BRAP: variants seen among roughly 807,000 people sequenced by gnomAD.
The protein encoded by BRAP is BRCA1-associated protein.
BRAP carries 42 observed loss-of-function variants against 73.4 expected under a neutral mutation model. That is an observed-to-expected ratio of 0.57 (90% CI 0.45 to 0.74). BRAP has a LOEUF of 0.74. Among genes scored for constraint, BRAP ranks in the 30% least tolerant of loss-of-function variants. BRAP has a pLI of 0.00. For synonymous variants in BRAP, 255 were observed against 267.4 expected, an observed-to-expected ratio of 0.95 and a Z score of 0.45; for missense variants, 593 against 751.4, an observed-to-expected ratio of 0.79 and a Z score of 2.46.
At chr12:111,677,691 G>A (rs773039985) in intron 4 of BRAP, among the ~76,000 whole-genome samples, 4 of 152,128 alleles carry the variant, frequency 2.6e-5, no homozygotes, top group East Asian at 1.9e-4. Flanking sequence ...CTTAAGGCAC[G>A]ATTTTCCCAT....
intron 5 of BRAP, among the ~76,000 whole-genome samples, chr12:111,672,406 T>C (rs534593226): frequency 6.6e-6 from 1 of 152,286 alleles, no homozygotes; most frequent in Non-Finnish European, 1.5e-5. Context: ...ATACAGTTCA[T>C]TGGCTTGTAG....
chr12:111,671,684 T>TC lies in BRAP; in HGVS notation c.747+976_747+977insG, dbSNP rs1230088641. On this transcript the variant is annotated intron_variant, in intron 5 of 11. Coordinates refer to ENST00000419234, the MANE Select transcript of BRAP (RefSeq NM_006768.5). ...AACAGTCTGGGTAACAGAGAGACTT[T>TC]TTTTTTTTTTTTTTTTTTTTGAGAC... is the stretch of plus-strand genomic sequence containing the variant. 9.2e-3 allele frequency among the ~76,000 whole-genome samples: 1,330 copies of TC among 144,706 alleles called. 31 individuals carry two copies. Among genetic ancestry groups the TC allele is most frequent in the African/African-American group, 0.033 (1,254 of 38,214 alleles). 94.9% of individuals were successfully genotyped at this position (144,706 alleles called of 152,430 possible).
chr12:111,683,092 T>C lies in BRAP; in HGVS notation c.244+54A>G, dbSNP rs16941620. 9,826 of 1,558,956 alleles carry C rather than the reference T, an allele frequency of 6.3e-3. 479 individuals carry two copies. In the African/African-American group the frequency reaches 0.11, roughly 17 times the overall value. ...GGCTCATCAAACACCGTGTATAAAA[T>C]AGGCAACCAGTGTTCACATTACAAA... On this transcript the variant is annotated intron_variant, in intron 2 of 11. Transcript: ENST00000419234.
At chr12:111,675,047 G>A (rs893132766) in intron 4 of BRAP, among the ~76,000 whole-genome samples, 4 of 152,100 alleles carry the variant, frequency 2.6e-5, no homozygotes, top group African/African-American at 7.2e-5. Context: ...TGCTACCTGA[G>A]CCCAGGAGTT....
chr12:111,647,542 T>C (rs1785358894), intron 11 of BRAP, among the ~76,000 whole-genome samples: 1 of 151,918 alleles, frequency 6.6e-6, no homozygotes, highest in African/African-American at 2.4e-5. Flanking sequence ...ATCTAGAGGG[T>C]GAAAAAGAAC....
chr12:111,681,370 C>CA (rs80154506), intron 3 of BRAP, among the ~76,000 whole-genome samples: 128 of 125,242 alleles, frequency 1.0e-3, no homozygotes, highest in Admixed American at 1.9e-3. Context: ...AACTCCATTT[C>CA]AAAAAAAAAA....
At chr12:111,678,446 C>G (rs1887468948) in intron 4 of BRAP, among the ~76,000 whole-genome samples, 1 of 151,070 alleles carries the variant, frequency 6.6e-6, no homozygotes, top group African/African-American at 2.4e-5. Context: ...ATCACAAGGT[C>G]AGGAGTTCGA....
intron 4 of BRAP, among the ~76,000 whole-genome samples, chr12:111,676,252 T>C (rs1031735615): frequency 6.6e-6 from 1 of 152,070 alleles, no homozygotes; most frequent in African/African-American, 2.4e-5. Flanking sequence ...GGCTTATAAG[T>C]CCTTATTTAA....
chr12:111,657,101 T>A (rs951106675), intron 9 of BRAP, among the ~76,000 whole-genome samples: 3 of 152,156 alleles, frequency 2.0e-5, no homozygotes, highest in African/African-American at 7.2e-5. Flanking sequence ...TGGAGTGCAA[T>A]GGCGCCATCT....
In BRAP at chr12:111,667,778, A is replaced by G. The variant is rs191153897; in HGVS notation, c.748-1991T>C. Among the ~76,000 whole-genome samples, 149 of 151,708 alleles carry G rather than the reference A, an allele frequency of 9.8e-4. 1 individual carries two copies. Among genetic ancestry groups the G allele is most frequent in the Admixed American group, 7.3e-3 (111 of 15,202 alleles). On this transcript the variant is annotated intron_variant, in intron 5 of 11. Coordinates refer to ENST00000419234, the MANE Select transcript of BRAP (RefSeq NM_006768.5). Reference sequence around the variant, plus strand: ...ACACCCTACAATATACAAATCTCACAAAGTATATGTGGTGAGATTCCAAAA... The same window carrying G: ...ACACCCTACAATATACAAATCTCACGAAGTATATGTGGTGAGATTCCAAAA...
chr12:111,652,532 C>G (rs1159703973), intron 10 of BRAP, among the ~76,000 whole-genome samples: 1 of 152,132 alleles, frequency 6.6e-6, no homozygotes, highest in Non-Finnish European at 1.5e-5. Context: ...CAGAAAGGTT[C>G]TTAATATTGC....
At chr12:111,683,713 G>A (rs1355577098) in intron 1 of BRAP, among the ~76,000 whole-genome samples, 6 of 152,052 alleles carry the variant, frequency 3.9e-5, no homozygotes. Context: ...GCTAATTTTT[G>A]TACTTTCAGT....
At chr12:111,652,381 G>A (rs1162304704) in intron 10 of BRAP, among the ~76,000 whole-genome samples, 3 of 151,998 alleles carry the variant, frequency 2.0e-5, no homozygotes, top group African/African-American at 4.8e-5. Flanking sequence ...CCGCTACCAC[G>A]TCCAGCTAAT....
chr12:111,652,554 G>A (rs1886368397), intron 10 of BRAP, among the ~76,000 whole-genome samples: 1 of 152,158 alleles, frequency 6.6e-6, no homozygotes, highest in South Asian at 2.1e-4. Context: ...ACAGACAAAT[G>A]TTAACAACGA....
At chr12:111,672,578 T>C (rs774339555) in intron 5 of BRAP, 83 bp downstream of exon 5, 1 of 1,239,774 alleles carries the variant, frequency 8.1e-7, no homozygotes, top group Non-Finnish European at 1.1e-6. Flanking sequence ...TGGCCTATTC[T>C]GGGTATTTCA....
chr12:111,676,312 T>C (rs1443640243), intron 4 of BRAP, among the ~76,000 whole-genome samples: 2 of 152,222 alleles, frequency 1.3e-5, no homozygotes, highest in Non-Finnish European at 2.9e-5. Context: ...GCCCAGGCTA[T>C]GGAGTCAGGC....
intron 10 of BRAP, among the ~76,000 whole-genome samples, chr12:111,651,834 C>T (rs1272429508): frequency 1.3e-5 from 2 of 151,688 alleles, no homozygotes; most frequent in Non-Finnish European, 2.9e-5. Flanking sequence ...TACGAGGTTT[C>T]ACCATATTGG....
chr12:111,672,895 G>C, intron 4 of BRAP, 121 bp from the exon 5 acceptor site: 1 of 737,276 alleles, frequency 1.4e-6, no homozygotes, highest in South Asian at 1.9e-5. Flanking sequence ...ACTTAGGAGA[G>C]AGAGCAACCA....
chr12:111,674,085 T>C (rs1237726734), intron 4 of BRAP, among the ~76,000 whole-genome samples: 1 of 152,200 alleles, frequency 6.6e-6, no homozygotes, highest in Non-Finnish European at 1.5e-5. Context: ...TGCAGCATCG[T>C]CAACCTTAAG....
Sources: allele counts gnomAD v4.1 joint callset (sites outside exome capture counted in the v4.1 genomes callset), GRCh38; gene constraint gnomAD v4.1.1; transcripts MANE v1.5; gene names NCBI Gene and HGNC (gene_info 2026-07-23, HGNC 2026-07-21).